The following MOB3B variants were observed in gnomAD, a reference collection of about 807,000 sequenced individuals.
MOB3B encodes the protein MOB kinase activator 3B.
In MOB3B, 7 loss-of-function variants were observed where a neutral mutation model predicts 18.7. The ratio of observed to expected loss-of-function variants is 0.37; its 90% CI spans 0.21 to 0.70. The LOEUF (loss-of-function observed/expected upper bound fraction) is 0.70, where lower values mean the gene tolerates loss of function less well. MOB3B is among the 30% of genes least tolerant of loss of function. The pLI, the probability that MOB3B is intolerant of heterozygous loss-of-function variation, is 0.52. For synonymous variants in MOB3B, 111 were observed against 99.9 expected, an observed-to-expected ratio of 1.11 and a Z score of -0.66; for missense variants, 253 against 281.3, an observed-to-expected ratio of 0.90 and a Z score of 0.72.
chr9:27,364,418 TG>T (rs1254465243), intron 2 of MOB3B, among the ~76,000 whole-genome samples: 3 of 152,178 alleles, frequency 2.0e-5, no homozygotes, highest in Non-Finnish European at 4.4e-5. Flanking sequence ...CCAAATATAT[TG>T]GCAAAAATGC....
intron 2 of MOB3B, among the ~76,000 whole-genome samples, chr9:27,365,169 A>AAAAAAAAAAAAAAAG (rs1203739647): frequency 6.0e-5 from 9 of 151,012 alleles, no homozygotes; most frequent in African/African-American, 1.7e-4. Context: ...AGGCAAAAAA[A>AAAAAAAAAAAAAAAG]AAAAAAGAAA....
intron 1 of MOB3B, among the ~76,000 whole-genome samples, chr9:27,492,021 T>C (rs1247146216): frequency 2.0e-5 from 3 of 152,222 alleles, no homozygotes; most frequent in East Asian, 1.9e-4. Flanking sequence ...GCTGCTCAAA[T>C]TGAGAATCCT....
intron 2 of MOB3B, among the ~76,000 whole-genome samples, chr9:27,452,433 T>C (rs1822803988): frequency 6.6e-6 from 1 of 152,000 alleles, no homozygotes; most frequent in Non-Finnish European, 1.5e-5. Context: ...AAAACATGAA[T>C]AAAACCAGAG....
chr9:27,454,858 T>C (rs10967944), intron 2 of MOB3B, among the ~76,000 whole-genome samples: 8,030 of 152,282 alleles, frequency 0.053, 642 homozygotes, highest in African/African-American at 0.17. Flanking sequence ...TGACATCTAG[T>C]CCTAAGAAAG....
At position 27,495,515 on chromosome 9, in the gene MOB3B, G is replaced by A. The variant is rs543862183; in HGVS notation, c.-199+34040C>T. Among the ~76,000 whole-genome samples the A allele has an allele frequency of 2.7e-3, 410 of 152,134 alleles. 1 individual carries two copies. The highest frequency in any genetic ancestry group is 8.1e-3 in the African/African-American group (338 of 41,514). ...AGTTTTCCCATGCCTGTTCCACTAGGCTGGGAGCTCCTTGAAGACAAGGAA... is the reference window on the plus strand; with the variant it reads ...AGTTTTCCCATGCCTGTTCCACTAGACTGGGAGCTCCTTGAAGACAAGGAA... On this transcript the variant is annotated intron_variant, in intron 1 of 3. Coordinates refer to ENST00000262244, the MANE Select transcript of MOB3B (RefSeq NM_024761.5).
chr9:27,436,214 C>T (rs569906428), intron 2 of MOB3B, among the ~76,000 whole-genome samples: 50 of 152,284 alleles, frequency 3.3e-4, no homozygotes, highest in African/African-American at 9.9e-4. Flanking sequence ...TGAGCTTGTA[C>T]TTTGTATATT....
chr9:27,480,947 T>C (rs989828119), intron 1 of MOB3B, among the ~76,000 whole-genome samples: 1 of 152,122 alleles, frequency 6.6e-6, no homozygotes. Context: ...TTGTGGAGTT[T>C]GAAAAATTAT....
intron 2 of MOB3B, among the ~76,000 whole-genome samples, chr9:27,392,191 G>T (rs1821736299): frequency 6.6e-6 from 1 of 152,124 alleles, no homozygotes; most frequent in Non-Finnish European, 1.5e-5. Context: ...TTTTCTAGAG[G>T]ATTCTTATTT....
chr9:27,341,127 G>C (rs915932186), intron 3 of MOB3B, among the ~76,000 whole-genome samples: 4 of 152,220 alleles, frequency 2.6e-5, no homozygotes, highest in Non-Finnish European at 5.9e-5. Context: ...GGAGTGGGAG[G>C]GAAGGCACTG....
chr9:27,470,345 C>T (rs1407391315), intron 1 of MOB3B, among the ~76,000 whole-genome samples: 3 of 152,094 alleles, frequency 2.0e-5, no homozygotes, highest in Non-Finnish European at 4.4e-5. Flanking sequence ...CTCCTCTCAA[C>T]AGCCACTGAA....
At chr9:27,437,640 C>G (rs1283941036) in intron 2 of MOB3B, among the ~76,000 whole-genome samples, 1 of 152,194 alleles carries the variant, frequency 6.6e-6, no homozygotes, top group Non-Finnish European at 1.5e-5. Flanking sequence ...GCAACACTGT[C>G]ACCAGAGCCC....
intron 2 of MOB3B, among the ~76,000 whole-genome samples, chr9:27,420,587 A>G (rs1822232217): frequency 8.6e-6 from 1 of 116,038 alleles, no homozygotes; most frequent in Non-Finnish European, 1.8e-5. Context: ...ATATATATAT[A>G]TATATATATG....
chr9:27,467,773 C>T (rs994393029), intron 1 of MOB3B, among the ~76,000 whole-genome samples: 3 of 152,232 alleles, frequency 2.0e-5, no homozygotes, highest in Non-Finnish European at 2.9e-5. Context: ...CAGCTTTCTG[C>T]CTTTATGAAT....
At chr9:27,407,225 GT>G (rs1335309790) in intron 2 of MOB3B, among the ~76,000 whole-genome samples, 1 of 152,148 alleles carries the variant, frequency 6.6e-6, no homozygotes, top group Admixed American at 6.5e-5. Flanking sequence ...TACCATCTGA[GT>G]TTAGAAAAAA....
chr9:27,480,421 T>A lies in MOB3B; in HGVS notation c.-198-24673A>T, dbSNP rs1819631978. On this transcript the variant is annotated intron_variant, in intron 1 of 3. Coordinates refer to ENST00000262244, the MANE Select transcript of MOB3B (RefSeq NM_024761.5). ...TTCACGCCATTCTCCTGCCTCAGCC[T>A]CCGGAGTAGCTGGGACTACAGGCAC... is the stretch of plus-strand genomic sequence containing the variant. Among the ~76,000 whole-genome samples, 3 of 151,984 alleles carry A rather than the reference T, an allele frequency of 2.0e-5. No individual in the cohort carries two copies. In the South Asian group the frequency reaches 6.2e-4, roughly 32 times the overall value.
intron 2 of MOB3B, among the ~76,000 whole-genome samples, chr9:27,368,493 G>A (rs773552535): frequency 2.6e-5 from 4 of 152,074 alleles, no homozygotes; most frequent in Admixed American, 1.3e-4. Flanking sequence ...ATCTCAGTAC[G>A]TTCCTCAAGA....
At chr9:27,455,769 G>A in intron 1 of MOB3B, 21 bp from the exon 2 acceptor site, 3 of 1,419,100 alleles carry the variant, frequency 2.1e-6, no homozygotes, top group Non-Finnish European at 2.7e-6. Flanking sequence ...AAGAGAAAAG[G>A]GAACACATGA....
At chr9:27,340,937 T>C (rs1820931684) in intron 3 of MOB3B, among the ~76,000 whole-genome samples, 1 of 152,248 alleles carries the variant, frequency 6.6e-6, no homozygotes. Context: ...ATGCTGCTGC[T>C]GCCCCTTGTT....
chr9:27,474,752 A>G (rs1189836286), intron 1 of MOB3B, among the ~76,000 whole-genome samples: 1 of 152,254 alleles, frequency 6.6e-6, no homozygotes. Flanking sequence ...TCATCAAAAC[A>G]AACTTTGAAA....
Sources: allele counts gnomAD v4.1 joint callset (sites outside exome capture counted in the v4.1 genomes callset), GRCh38; gene constraint gnomAD v4.1.1; transcripts MANE v1.5; gene names NCBI Gene and HGNC (gene_info 2026-07-23, HGNC 2026-07-21).